Variants in RGPD2 observed in about 807,000 individuals in gnomAD.
The protein encoded by RGPD2 is RANBP2 like and GRIP domain containing 2.
RGPD2 carries 2 observed loss-of-function variants against 36.0 expected under a neutral mutation model. The ratio of observed to expected loss-of-function variants is 0.06; its 90% CI spans 0.02 to 0.17. The LOEUF is 0.17. Ranked by LOEUF, RGPD2 falls within the 10% of genes least tolerant of loss-of-function variation. RGPD2 has a pLI of 1.00. For missense variants in RGPD2, 40 were observed against 464.3 expected (o/e 0.09, Z 8.40); for synonymous variants, 19 against 163.8 (o/e 0.12, Z 6.75).
In RGPD2 at chr2:87,756,414, TCTTA is replaced by T. The variant is rs1181246043; in HGVS notation, c.*974_*977del. The T allele has an allele frequency of 6.2e-6, 1 of 161,918 alleles. No homozygotes were observed. The highest frequency in any genetic ancestry group is 1.6e-4 in the East Asian group (1 of 6,074). 10.0% of individuals were successfully genotyped at this position (161,918 alleles called of 1,614,324 possible). A position where few individuals can be genotyped will look rare whatever the true frequency, so the allele number is the denominator to read the frequency against. ...CCATCTAAAAACCCTTTCCCCATTC[TCTTA>T]CTCTGTCTCATCATGTATGTAACAT... On this transcript the variant is annotated 3_prime_UTR_variant, in exon 23 of 23. Transcript: ENST00000398146.
At chr2:87,984,831 G>A in the RGPD2 span, among the ~76,000 whole-genome samples, 1 of 151,550 alleles carries the variant, frequency 6.6e-6, no homozygotes, top group Non-Finnish European at 1.5e-5. Context: ...TCGGGAGGCT[G>A]AGGCAGGAAA....
the RGPD2 span, among the ~76,000 whole-genome samples, chr2:87,989,518 G>T: frequency 2.0e-5 from 3 of 152,060 alleles, no homozygotes; most frequent in Non-Finnish European, 4.4e-5. Context: ...TACAGAAACT[G>T]TAGAAAACAA....
the RGPD2 span, among the ~76,000 whole-genome samples, chr2:87,849,310 G>C: frequency 6.6e-6 from 1 of 151,098 alleles, no homozygotes; most frequent in Non-Finnish European, 1.5e-5. Context: ...GACTATTATA[G>C]TTAGTTGAGA....
the RGPD2 span, among the ~76,000 whole-genome samples, chr2:87,940,033 A>G: frequency 1.3e-5 from 2 of 152,038 alleles, no homozygotes; most frequent in Non-Finnish European, 2.9e-5. Context: ...TGAAACCATT[A>G]CAACAGAATA....
chr2:87,827,647 T>C (rs1400270231), upstream of RGPD2, among the ~76,000 whole-genome samples: 1 of 71,472 alleles, frequency 1.4e-5, no homozygotes, highest in East Asian at 3.2e-4. Flanking sequence ...TGATAGAATT[T>C]TGATGTCGTC....
At chr2:87,961,026 A>T in the RGPD2 span, among the ~76,000 whole-genome samples, 16 of 141,508 alleles carry the variant, frequency 1.1e-4, no homozygotes, top group Non-Finnish European at 2.3e-4. Flanking sequence ...GCCTAAACAG[A>T]TACCTCAGAG....
chr2:87,809,734 C>A (rs1244443217), intron 6 of RGPD2, among the ~76,000 whole-genome samples: 10 of 151,610 alleles, frequency 6.6e-5, no homozygotes, highest in African/African-American at 2.4e-4. Flanking sequence ...TCAGGGTCCT[C>A]CCCTCAGGCC....
At chr2:87,855,278 C>T in the RGPD2 span, among the ~76,000 whole-genome samples, 1 of 151,974 alleles carries the variant, frequency 6.6e-6, no homozygotes, top group Non-Finnish European at 1.5e-5. Context: ...TATGGTAGCG[C>T]TATGTTTAGT....
At chr2:87,964,111 G>A in the RGPD2 span, among the ~76,000 whole-genome samples, 1 of 152,074 alleles carries the variant, frequency 6.6e-6, no homozygotes, top group Non-Finnish European at 1.5e-5. Context: ...GGATACAGGT[G>A]CCCGGCATCC....
the RGPD2 span, among the ~76,000 whole-genome samples, chr2:87,870,682 C>T: frequency 6.6e-6 from 1 of 152,154 alleles, no homozygotes; most frequent in Admixed American, 6.5e-5. Flanking sequence ...GCTACACTGA[C>T]TGTACCACAC....
the RGPD2 span, among the ~76,000 whole-genome samples, chr2:87,977,540 G>A: frequency 3.3e-5 from 5 of 150,990 alleles, no homozygotes; most frequent in South Asian, 2.1e-4. Context: ...AAGGCCAGGC[G>A]TGGTGGCTCA....
the RGPD2 span, among the ~76,000 whole-genome samples, chr2:87,976,380 T>C: frequency 6.6e-6 from 1 of 152,202 alleles, no homozygotes; most frequent in African/African-American, 2.4e-5. Context: ...GGAAGAGCAT[T>C]AACCCAAGTT....
the RGPD2 span, among the ~76,000 whole-genome samples, chr2:87,988,541 A>T: frequency 4.6e-3 from 249 of 54,152 alleles, 11 homozygotes; most frequent in African/African-American, 9.9e-3. Flanking sequence ...ATATATATAT[A>T]TTTTTTTTTT....
chr2:87,836,005 G>C, the RGPD2 span, among the ~76,000 whole-genome samples: 1 of 147,708 alleles, frequency 6.8e-6, no homozygotes, highest in South Asian at 2.2e-4. Flanking sequence ...GCTTCAATTG[G>C]TGTCCTTGAA....
chr2:87,847,648 G>T, the RGPD2 span, among the ~76,000 whole-genome samples: 1 of 151,718 alleles, frequency 6.6e-6, no homozygotes, highest in East Asian at 1.9e-4. Context: ...ACAGGTGCAT[G>T]CCATCACGCC....
chr2:87,952,738 C>T, the RGPD2 span, among the ~76,000 whole-genome samples: 1 of 152,094 alleles, frequency 6.6e-6, no homozygotes, highest in East Asian at 1.9e-4. Flanking sequence ...TAATTTACAC[C>T]GAAATTTCAA....
At chr2:87,840,600 C>T in the RGPD2 span, among the ~76,000 whole-genome samples, 2 of 151,770 alleles carry the variant, frequency 1.3e-5, no homozygotes, top group Non-Finnish European at 2.9e-5. Flanking sequence ...CCTTTATATA[C>T]AGTTTTAGAA....
chr2:87,830,830 A>G, the RGPD2 span, among the ~76,000 whole-genome samples: 2 of 151,792 alleles, frequency 1.3e-5, no homozygotes, highest in Non-Finnish European at 2.9e-5. Flanking sequence ...ACAGCACTGG[A>G]AAAACCCACC....
At chr2:87,958,347 T>C in the RGPD2 span, among the ~76,000 whole-genome samples, 1 of 151,930 alleles carries the variant, frequency 6.6e-6, no homozygotes, top group Non-Finnish European at 1.5e-5. Flanking sequence ...GGCATTTTTG[T>C]ATTAATTAGC....
Sources: gnomAD v4.1 joint callset for allele counts (sites outside exome capture counted in the v4.1 genomes callset) on GRCh38, gnomAD v4.1.1 for gene constraint, MANE v1.5 for transcripts, NCBI Gene and HGNC (gene_info 2026-07-23, HGNC 2026-07-21) for gene names.